The following ASTN2 variants were observed in gnomAD, a reference collection of about 807,000 sequenced individuals.
ASTN2 encodes astrotactin-2.
ASTN2 carries 54 observed loss-of-function variants against 139.8 expected under a neutral mutation model. The observed-to-expected ratio is 0.39, with a 90% confidence interval of 0.31 to 0.48. The LOEUF is 0.48. Among genes scored for constraint, ASTN2 ranks in the 20% least tolerant of loss-of-function variants. The pLI is 0.95. For synonymous variants in ASTN2, 756 were observed against 719.5 expected, an observed-to-expected ratio of 1.05 and a Z score of -0.81; for missense variants, 1,565 against 1,725.1, an observed-to-expected ratio of 0.91 and a Z score of 1.64.
intron 7 of ASTN2, among the ~76,000 whole-genome samples, chr9:117,004,800 G>A (rs1837308537): frequency 6.6e-6 from 1 of 152,300 alleles, no homozygotes; most frequent in South Asian, 2.1e-4. Context: ...AAGACTGAAA[G>A]TAAGGAAACC....
At chr9:116,695,858 C>T (rs1453205787) in intron 16 of ASTN2, among the ~76,000 whole-genome samples, 2 of 152,168 alleles carry the variant, frequency 1.3e-5, no homozygotes, top group Admixed American at 6.5e-5. Context: ...GCAGAGGGTA[C>T]TCTAAGCCAG....
chr9:116,995,557 C>T lies in ASTN2; in HGVS notation c.1591+12535G>A, dbSNP rs370335743. Reference sequence around the variant, plus strand: ...ACACAATCTTTGCCTTTATAAGGCACACAGTTTTTTAGATAGCTAGCAATT... The same window carrying T: ...ACACAATCTTTGCCTTTATAAGGCATACAGTTTTTTAGATAGCTAGCAATT... On this transcript the variant is annotated intron_variant, in intron 7 of 22. Coordinates refer to ENST00000313400, the MANE Select transcript of ASTN2 (RefSeq NM_001365068.1). Among the ~76,000 whole-genome samples the T allele has an allele frequency of 7.2e-5, 11 of 152,248 alleles. 1 individual carries two copies. The highest frequency in any genetic ancestry group is 2.6e-4 in the African/African-American group (11 of 41,546).
chr9:116,587,896 T>A (rs989720058), intron 19 of ASTN2, among the ~76,000 whole-genome samples: 1 of 152,194 alleles, frequency 6.6e-6, no homozygotes, highest in African/African-American at 2.4e-5. Flanking sequence ...TTCCAGTATC[T>A]CCTTATTATT....
chr9:117,122,715 C>A (rs1355717787), intron 4 of ASTN2, among the ~76,000 whole-genome samples: 1 of 152,116 alleles, frequency 6.6e-6, no homozygotes, highest in African/African-American at 2.4e-5. Context: ...TTTATGAAGT[C>A]AACAGGGTGG....
chr9:117,221,638 C>T (rs2133037669), intron 2 of ASTN2, among the ~76,000 whole-genome samples: 1 of 152,158 alleles, frequency 6.6e-6, no homozygotes, highest in East Asian at 1.9e-4. Context: ...CTCTTCTCGT[C>T]ACTTGTTTCT....
intron 5 of ASTN2, among the ~76,000 whole-genome samples, chr9:117,061,718 G>A (rs866693610): frequency 1.3e-5 from 2 of 152,140 alleles, no homozygotes; most frequent in South Asian, 2.1e-4. Context: ...TCTGAACAAG[G>A]AGATAAATCA....
In ASTN2 at chr9:117,182,412, C is replaced by A. The variant is rs1345668046; in HGVS notation, c.1015+31946G>T. Among the ~76,000 whole-genome samples, 3 of 152,156 alleles carry A rather than the reference C, an allele frequency of 2.0e-5. 1 individual carries two copies. In the South Asian group the frequency reaches 6.2e-4, roughly 32 times the overall value. ...TGAAAACACTTTATATACCACTGAT[C>A]TGAGCAGAGTGTTCTCACACCAAGG... On this transcript the variant is annotated intron_variant, in intron 3 of 22. Coordinates refer to ENST00000313400, the MANE Select transcript of ASTN2 (RefSeq NM_001365068.1).
At chr9:116,680,851 T>G (rs1026146567) in intron 16 of ASTN2, among the ~76,000 whole-genome samples, 1 of 145,808 alleles carries the variant, frequency 6.9e-6, no homozygotes, top group Non-Finnish European at 1.6e-5. Flanking sequence ...TCTCAATAAA[T>G]TAGGTATTGA....
intron 19 of ASTN2, among the ~76,000 whole-genome samples, chr9:116,578,757 C>T (rs912755120): frequency 2.7e-5 from 4 of 146,256 alleles, no homozygotes; most frequent in South Asian, 2.2e-4. Flanking sequence ...TAAAAAGCTG[C>T]GTTTTTCAAA....
intron 1 of ASTN2, among the ~76,000 whole-genome samples, chr9:117,363,083 T>C (rs1251636661): frequency 1.3e-5 from 2 of 152,164 alleles, no homozygotes; most frequent in Non-Finnish European, 2.9e-5. Flanking sequence ...AATGCCTCAT[T>C]GCCCCGGGTC....
In ASTN2 at chr9:117,414,013, A is replaced by G. The variant is rs1831249482; in HGVS notation, c.442+484T>C. ...GGGTTGAGCGATTCCACACGGAACT[A>G]CTCCATTCCTACTCTCATGAAAATC... On this transcript the variant is annotated intron_variant, in intron 1 of 22. Coordinates refer to ENST00000313400, the MANE Select transcript of ASTN2 (RefSeq NM_001365068.1). The surrounding 1 kb of genome is among the most constrained non-coding windows in gnomAD (Gnocchi z 4.2). Among the ~76,000 whole-genome samples, 1 of 152,004 alleles carries G rather than the reference A, an allele frequency of 6.6e-6. No individual in the cohort carries two copies. Among genetic ancestry groups the G allele is most frequent in the African/African-American group, 2.4e-5 (1 of 41,372 alleles).
At chr9:116,510,762 C>G (rs1270497124) in intron 19 of ASTN2, among the ~76,000 whole-genome samples, 1 of 152,078 alleles carries the variant, frequency 6.6e-6, no homozygotes, top group South Asian at 2.1e-4. Context: ...CTCTTTGAAG[C>G]AATTGTGAAT....
At chr9:116,454,873 A>T (rs1464925548) in intron 20 of ASTN2, among the ~76,000 whole-genome samples, 2 of 152,098 alleles carry the variant, frequency 1.3e-5, no homozygotes, top group African/African-American at 4.8e-5. Context: ...GGATCATCAC[A>T]CACTGGGGCC....
chr9:116,429,164 C>T (rs758399363), intron 22 of ASTN2, among the ~76,000 whole-genome samples: 14 of 151,830 alleles, frequency 9.2e-5, no homozygotes, highest in Admixed American at 4.6e-4. Flanking sequence ...CATGGTGAAA[C>T]GCTGTGTCTA....
At chr9:116,846,589 C>G (rs1302056655) in intron 11 of ASTN2, among the ~76,000 whole-genome samples, 1 of 152,188 alleles carries the variant, frequency 6.6e-6, no homozygotes, top group Non-Finnish European at 1.5e-5. Flanking sequence ...AGCTAATTAT[C>G]TGAATATATG....
intron 7 of ASTN2, among the ~76,000 whole-genome samples, chr9:116,986,528 C>T (rs1373682189): frequency 1.3e-5 from 2 of 152,120 alleles, no homozygotes; most frequent in Non-Finnish European, 2.9e-5. Flanking sequence ...GAGCTCTGCC[C>T]AGGATGGGGG....
At chr9:116,556,237 A>G (rs1852607823) in intron 19 of ASTN2, among the ~76,000 whole-genome samples, 1 of 152,236 alleles carries the variant, frequency 6.6e-6, no homozygotes, top group Non-Finnish European at 1.5e-5. Context: ...AGAGACTGGG[A>G]AAATTTTATT....
At chr9:116,919,844 A>T (rs1243642636) in intron 10 of ASTN2, among the ~76,000 whole-genome samples, 1 of 151,232 alleles carries the variant, frequency 6.6e-6, no homozygotes, top group Non-Finnish European at 1.5e-5. Context: ...TGGAGGCTGC[A>T]GTGGGAGGAT....
intron 11 of ASTN2, among the ~76,000 whole-genome samples, chr9:116,852,100 C>T (rs1023774437): frequency 1.3e-5 from 2 of 152,130 alleles, no homozygotes; most frequent in African/African-American, 2.4e-5. Context: ...TCACCTTTCC[C>T]TTTCAGTGAT....
Sources: gnomAD v4.1 joint callset for allele counts (sites outside exome capture counted in the v4.1 genomes callset) on GRCh38, gnomAD v4.1.1 for gene constraint, Gnocchi (gnomAD v3.1) non-coding constraint, MANE v1.5 for transcripts, NCBI Gene and HGNC (gene_info 2026-07-23, HGNC 2026-07-21) for gene names.